The following RBFOX1 variants were observed in gnomAD, a reference collection of about 807,000 sequenced individuals.
The protein encoded by RBFOX1 is RNA binding protein fox-1 homolog 1.
A neutral mutation model predicts 57.7 loss-of-function variants in RBFOX1; 8 were observed. The observed-to-expected ratio is 0.14, with a 90% confidence interval of 0.08 to 0.25. The LOEUF (loss-of-function observed/expected upper bound fraction) is 0.25. Ranked by LOEUF, RBFOX1 falls within the 10% of genes least tolerant of loss-of-function variation. The probability of loss-of-function intolerance (pLI) is 1.00; values close to 1 mark genes in which losing one functional copy is unlikely to be tolerated. For synonymous variants in RBFOX1, 326 were observed against 222.4 expected (o/e 1.47, Z -4.15); for missense variants, 611 against 548.5 (o/e 1.11, Z -1.14).
intron 4 of RBFOX1, among the ~76,000 whole-genome samples, chr16:7,096,614 C>G (rs151108532): frequency 2.7e-3 from 414 of 152,138 alleles, no homozygotes; most frequent in Non-Finnish European, 4.2e-3. Context: ...CTGTTTGGAT[C>G]TAGGAGTGGA....
At chr16:6,621,197 C>G (rs1312360374) in intron 2 of RBFOX1, among the ~76,000 whole-genome samples, 9 of 152,208 alleles carry the variant, frequency 5.9e-5, no homozygotes, top group Admixed American at 5.9e-4. Context: ...CGCGGTGGCT[C>G]ACGCCTGTAT....
intron 4 of RBFOX1, among the ~76,000 whole-genome samples, chr16:7,356,353 T>A (rs1162507882): frequency 1.3e-5 from 2 of 151,998 alleles, no homozygotes; most frequent in Non-Finnish European, 1.5e-5. Flanking sequence ...AGAGGGCCCA[T>A]CACAGAGAGG....
intron 2 of RBFOX1, among the ~76,000 whole-genome samples, chr16:6,584,687 A>G (rs941200207): frequency 3.3e-5 from 5 of 151,948 alleles, no homozygotes; most frequent in Admixed American, 6.6e-5. Context: ...CTTTTAAAAT[A>G]CAGCACCCCT....
At chr16:6,015,179 A>C (rs151113711), upstream of RBFOX1, among the ~76,000 whole-genome samples, 1 of 152,050 alleles carries the variant, frequency 6.6e-6, no homozygotes, top group East Asian at 1.9e-4. Flanking sequence ...AGATTTTTAG[A>C]TCTTAGATTT....
chr16:6,653,563 C>T (rs1033044214), intron 2 of RBFOX1, among the ~76,000 whole-genome samples: 1 of 151,392 alleles, frequency 6.6e-6, no homozygotes, highest in African/African-American at 2.4e-5. Flanking sequence ...AAGAAAATAG[C>T]AGAAAATCAT....
intron 3 of RBFOX1, among the ~76,000 whole-genome samples, chr16:5,841,071 A>AG (rs1222463970): frequency 6.6e-6 from 1 of 152,190 alleles, no homozygotes; most frequent in Non-Finnish European, 1.5e-5. Context: ...AGTGGAGCTG[A>AG]GGGTCCTGGG....
intron 2 of RBFOX1, among the ~76,000 whole-genome samples, chr16:6,569,393 T>C (rs2097312792): frequency 6.6e-6 from 1 of 152,182 alleles, no homozygotes; most frequent in Non-Finnish European, 1.5e-5. Context: ...CATACCAGAA[T>C]GTTTGCCAGA....
At chr16:6,020,037 G>T (rs942126748) in intron 1 of RBFOX1, 45 bp downstream of exon 1, 4 of 1,440,608 alleles carry the variant, frequency 2.8e-6, no homozygotes, top group Non-Finnish European at 3.7e-6. Context: ...CCCTGACCTG[G>T]TGGGTCAGGT....
chr16:7,533,372 C>T (rs1333635340), intron 5 of RBFOX1, among the ~76,000 whole-genome samples: 1 of 152,124 alleles, frequency 6.6e-6, no homozygotes, highest in Non-Finnish European at 1.5e-5. Context: ...ACATTTTCTT[C>T]CACCTTGAAA....
chr16:5,758,861 T>C (rs1230515321), intron 3 of RBFOX1, among the ~76,000 whole-genome samples: 1 of 152,176 alleles, frequency 6.6e-6, no homozygotes, highest in Non-Finnish European at 1.5e-5. Context: ...TGTCCCACTG[T>C]GGCAAAAGCG....
At chr16:6,145,619 C>A (rs1351429901) in intron 1 of RBFOX1, among the ~76,000 whole-genome samples, 1 of 152,086 alleles carries the variant, frequency 6.6e-6, no homozygotes, top group Non-Finnish European at 1.5e-5. Context: ...TGAAATTATC[C>A]ACTTTCCCTC....
intron 3 of RBFOX1, among the ~76,000 whole-genome samples, chr16:5,856,754 A>G (rs1346293213): frequency 6.6e-6 from 1 of 151,050 alleles, no homozygotes; most frequent in Non-Finnish European, 1.5e-5. Context: ...GCTTCCTACC[A>G]TTCTCAGCCT....
chr16:5,626,554 C>A (rs2048355966), intron 3 of RBFOX1, among the ~76,000 whole-genome samples: 1 of 152,172 alleles, frequency 6.6e-6, no homozygotes, highest in Non-Finnish European at 1.5e-5. Context: ...GTAGTGGACC[C>A]TAACCAAAAA....
rs1002600468 is a variant in RBFOX1 at position 7,000,555 on chromosome 16, A to G, written c.-15-51502A>G. 3.3e-5 allele frequency among the ~76,000 whole-genome samples: 5 copies of G among 150,146 alleles called. No individual in the cohort carries two copies. The South Asian group carries it at 8.5e-4, about 26-fold the overall frequency. The stretch of plus-strand genomic sequence containing the variant: ...GTTCAATTTTGCTTTTGGCAAAAAC[A>G]CATAATAAGTTTTCTTTTCTTTTTT... On this transcript the variant is annotated intron_variant, in intron 3 of 15. Coordinates refer to ENST00000550418, the MANE Select transcript of RBFOX1 (RefSeq NM_018723.4).
chr16:5,641,791 C>G (rs577679733), intron 3 of RBFOX1, among the ~76,000 whole-genome samples: 5 of 152,330 alleles, frequency 3.3e-5, no homozygotes, highest in African/African-American at 1.2e-4. Context: ...CAGTGCATCT[C>G]AAACTGTATG....
At chr16:5,904,943 C>G (rs2058414770) in intron 4 of RBFOX1, among the ~76,000 whole-genome samples, 1 of 135,656 alleles carries the variant, frequency 7.4e-6, no homozygotes, top group African/African-American at 2.8e-5. Flanking sequence ...CACCAATGCA[C>G]TCCAGCCTGG....
chr16:5,985,145 C>T (rs528943692), intron 4 of RBFOX1, among the ~76,000 whole-genome samples: 1 of 151,010 alleles, frequency 6.6e-6, no homozygotes, highest in East Asian at 2.0e-4. Flanking sequence ...GCCACCATAC[C>T]CGGCTCATAT....
intron 2 of RBFOX1, among the ~76,000 whole-genome samples, chr16:6,321,927 A>G (rs1170676063): frequency 1.3e-5 from 2 of 152,168 alleles, no homozygotes; most frequent in African/African-American, 4.8e-5. Context: ...ACAGATTGCT[A>G]TACATCTTCA....
At chr16:5,465,432 T>C (rs1421883244) in intron 1 of RBFOX1, among the ~76,000 whole-genome samples, 2 of 152,146 alleles carry the variant, frequency 1.3e-5, no homozygotes, top group African/African-American at 4.8e-5. Context: ...AGATTTGGGG[T>C]TGCAAACACA....
Sources: gnomAD v4.1 joint callset for allele counts (sites outside exome capture counted in the v4.1 genomes callset) on GRCh38, gnomAD v4.1.1 for gene constraint, MANE v1.5 for transcripts, NCBI Gene and HGNC (gene_info 2026-07-23, HGNC 2026-07-21) for gene names.